XKR4: variants seen among roughly 807,000 people sequenced by gnomAD.
The protein encoded by XKR4 is XK-related protein 4.
In XKR4, 12 loss-of-function variants were observed where a neutral mutation model predicts 53.9. The observed-to-expected ratio is 0.22, with a 90% confidence interval of 0.14 to 0.36. XKR4 has a LOEUF of 0.36. Among genes scored for constraint, XKR4 ranks in the 10% least tolerant of loss-of-function variants. The pLI is 1.00. For synonymous variants in XKR4, 354 were observed against 362.4 expected, an observed-to-expected ratio of 0.98 and a Z score of 0.26; for missense variants, 799 against 859.5, an observed-to-expected ratio of 0.93 and a Z score of 0.88.
chr8:55,519,309 G>A (rs1806765295), intron 2 of XKR4, among the ~76,000 whole-genome samples: 1 of 152,086 alleles, frequency 6.6e-6, no homozygotes, highest in South Asian at 2.1e-4. Context: ...TATTTTGAAA[G>A]AAAAGACTGA....
Position 55,158,810 on chromosome 8 carries a change from G to A in XKR4, c.806+55516G>A, listed in dbSNP as rs562984311. 7.2e-5 allele frequency among the ~76,000 whole-genome samples: 11 copies of A among 152,200 alleles called. No individual in the cohort carries two copies. In the South Asian group the frequency reaches 2.3e-3, roughly 32 times the overall value. On this transcript the variant is annotated intron_variant, in intron 1 of 2. Coordinates refer to ENST00000327381, the MANE Select transcript of XKR4 (RefSeq NM_052898.2). ...GTTGTAGATGTGTGGCATTATTTCT[G>A]AGCTCTCTATTCTGTTCCATTGGTG...
intron 2 of XKR4, among the ~76,000 whole-genome samples, chr8:55,495,556 G>C (rs1210967274): frequency 6.6e-6 from 1 of 152,216 alleles, no homozygotes; most frequent in Non-Finnish European, 1.5e-5. Flanking sequence ...CCATCACAGT[G>C]GCTTCCAGGG....
chr8:55,305,576 C>T (rs1357892381), intron 1 of XKR4, among the ~76,000 whole-genome samples: 1 of 152,120 alleles, frequency 6.6e-6, no homozygotes, highest in Non-Finnish European at 1.5e-5. Flanking sequence ...GATTTTTAGA[C>T]TTTATCTATG....
intron 1 of XKR4, among the ~76,000 whole-genome samples, chr8:55,183,058 C>A (rs1215607096): frequency 6.6e-6 from 1 of 151,908 alleles, no homozygotes; most frequent in Non-Finnish European, 1.5e-5. Context: ...TTCCTAGTAT[C>A]CCATTATTAT....
At chr8:55,190,228 G>A (rs1462025381) in intron 1 of XKR4, among the ~76,000 whole-genome samples, 1 of 152,166 alleles carries the variant, frequency 6.6e-6, no homozygotes, top group East Asian at 1.9e-4. Flanking sequence ...GCTTGGAGGA[G>A]GAAGGACCAT....
chr8:55,373,507 T>C (rs570580446), intron 2 of XKR4, among the ~76,000 whole-genome samples: 23 of 152,260 alleles, frequency 1.5e-4, no homozygotes, highest in African/African-American at 5.3e-4. Flanking sequence ...GTATTACCGG[T>C]TCAAATGCTT....
Position 55,530,740 on chromosome 8 carries a change from T to A in XKR4, c.*6513T>A, listed in dbSNP as rs986019267. 6.6e-6 allele frequency: 1 copy of A among 152,246 alleles called. No homozygotes were observed. Among genetic ancestry groups the A allele is most frequent in the Non-Finnish European group, 1.5e-5 (1 of 68,040 alleles). The allele number at this position is 152,246 out of a possible 1,614,324, so 9.4% of individuals were successfully genotyped here. ...TATATAAAATTAGAAGTCACTGATT[T>A]TTATAGGAAATAGCATGTAAAATAA... On this transcript the variant is annotated 3_prime_UTR_variant, in exon 3 of 3. Transcript: ENST00000327381.
intron 2 of XKR4, among the ~76,000 whole-genome samples, chr8:55,422,305 C>T (rs895701517): frequency 1.3e-5 from 2 of 152,144 alleles, no homozygotes; most frequent in African/African-American, 4.8e-5. Flanking sequence ...AATATACACA[C>T]TGCACAAATA....
intron 1 of XKR4, among the ~76,000 whole-genome samples, chr8:55,169,608 T>A (rs1453610915): frequency 6.6e-6 from 1 of 152,240 alleles, no homozygotes; most frequent in Non-Finnish European, 1.5e-5. Flanking sequence ...CATGGACACC[T>A]GGATCAGGAC....
At chr8:55,427,422 G>T (rs1379530542) in intron 2 of XKR4, among the ~76,000 whole-genome samples, 1 of 151,988 alleles carries the variant, frequency 6.6e-6, no homozygotes, top group Non-Finnish European at 1.5e-5. Flanking sequence ...TGTTGCCCAG[G>T]CTGGTCTCAA....
chr8:55,256,665 A>G (rs868025307), intron 1 of XKR4, among the ~76,000 whole-genome samples: 3 of 152,188 alleles, frequency 2.0e-5, no homozygotes, highest in African/African-American at 7.2e-5. Flanking sequence ...GGGATGAGGC[A>G]AGTCTGAGAT....
chr8:55,473,095 C>G (rs901814927), intron 2 of XKR4, among the ~76,000 whole-genome samples: 22 of 152,122 alleles, frequency 1.4e-4, no homozygotes, highest in African/African-American at 4.8e-4. Context: ...AGAATCCACT[C>G]TCTCCTCCAG....
At chr8:55,206,732 C>T (rs1213921700) in intron 1 of XKR4, among the ~76,000 whole-genome samples, 1 of 152,144 alleles carries the variant, frequency 6.6e-6, no homozygotes, top group Non-Finnish European at 1.5e-5. Context: ...TTTGCAGAAA[C>T]ATTAATTTTT....
intron 2 of XKR4, among the ~76,000 whole-genome samples, chr8:55,376,954 T>TCTCACA (rs143227509): frequency 6.9e-6 from 1 of 145,424 alleles, no homozygotes; most frequent in Non-Finnish European, 1.5e-5. Flanking sequence ...AAACACACAC[T>TCTCACA]CACACACACA....
chr8:55,259,184 C>T (rs1047017913), intron 1 of XKR4, among the ~76,000 whole-genome samples: 3 of 152,316 alleles, frequency 2.0e-5, no homozygotes, highest in Middle Eastern at 3.4e-3. Context: ...TGCGCGGGGA[C>T]GCACCTGGGG....
intron 1 of XKR4, among the ~76,000 whole-genome samples, chr8:55,112,310 C>T (rs1045682426): frequency 1.2e-4 from 18 of 151,982 alleles, no homozygotes; most frequent in African/African-American, 3.4e-4. Flanking sequence ...GGGTGAGTAA[C>T]GATGAGTCAA....
chr8:55,345,248 C>T (rs1803618769), intron 1 of XKR4, among the ~76,000 whole-genome samples: 1 of 151,484 alleles, frequency 6.6e-6, no homozygotes, highest in Non-Finnish European at 1.5e-5. Flanking sequence ...GAGCCAAGAC[C>T]ATGCCACTGC....
chr8:55,509,747 C>T (rs544565560), intron 2 of XKR4, among the ~76,000 whole-genome samples: 1 of 152,288 alleles, frequency 6.6e-6, no homozygotes, highest in South Asian at 2.1e-4. Flanking sequence ...TAAAGGCTGC[C>T]AAAGTGCCAG....
chr8:55,326,250 A>G (rs1803290454), intron 1 of XKR4, among the ~76,000 whole-genome samples: 1 of 152,184 alleles, frequency 6.6e-6, no homozygotes. Flanking sequence ...GATTGTAATA[A>G]TCACCATTTG....
Sources: gnomAD v4.1 joint callset for allele counts (sites outside exome capture counted in the v4.1 genomes callset) on GRCh38, gnomAD v4.1.1 for gene constraint, MANE v1.5 for transcripts, NCBI Gene and HGNC (gene_info 2026-07-23, HGNC 2026-07-21) for gene names.